The following NPAS3 variants were observed in gnomAD, a reference collection of about 807,000 sequenced individuals.
The protein encoded by NPAS3 is neuronal PAS domain protein 3.
Under a neutral mutation model 73.1 loss-of-function variants are expected in NPAS3, and 14 were observed. That is an observed-to-expected ratio of 0.19 (90% CI 0.13 to 0.30). The LOEUF is 0.30. Ranked by LOEUF, NPAS3 falls within the 10% of genes least tolerant of loss-of-function variation. The pLI, the probability that NPAS3 is intolerant of heterozygous loss-of-function variation, is 1.00. For synonymous variants in NPAS3, 620 were observed against 541.5 expected (o/e 1.14, Z -2.01); for missense variants, 1,096 against 1,250.0 (o/e 0.88, Z 1.86).
chr14:33,251,751 T>A (rs2048591913), intron 3 of NPAS3, among the ~76,000 whole-genome samples: 1 of 152,166 alleles, frequency 6.6e-6, no homozygotes, highest in Non-Finnish European at 1.5e-5. Context: ...ATGTCCTTGC[T>A]TCAATTTCAT....
chr14:33,512,366 C>T (rs781535054), intron 4 of NPAS3, among the ~76,000 whole-genome samples: 5 of 151,902 alleles, frequency 3.3e-5, no homozygotes, highest in South Asian at 2.1e-4. Context: ...ATTCAACACC[C>T]GAGAAAAGTT....
intron 2 of NPAS3, among the ~76,000 whole-genome samples, chr14:33,107,651 C>A (rs2042764465): frequency 6.6e-6 from 1 of 152,076 alleles, no homozygotes; most frequent in South Asian, 2.1e-4. Context: ...TTTATACAGT[C>A]CACCATTGAT....
In NPAS3 at chr14:33,756,269, C is replaced by T. The variant is rs148638377; in HGVS notation, c.853-18068C>T. Reference sequence around the variant, plus strand: ...GGTAAGAGGGCCCAGATGAGCCAAACCCACCTACTACATAGTGAATGCCCT... The same window carrying T: ...GGTAAGAGGGCCCAGATGAGCCAAATCCACCTACTACATAGTGAATGCCCT... On this transcript the variant is annotated intron_variant, in intron 7 of 11. Coordinates refer to ENST00000356141, the Ensembl canonical transcript of NPAS3. Among the ~76,000 whole-genome samples the T allele has an allele frequency of 6.8e-3, 1,039 of 152,276 alleles. 18 individuals carry two copies. Among genetic ancestry groups the T allele is most frequent in the African/African-American group, 0.024 (995 of 41,544 alleles).
intron 3 of NPAS3, among the ~76,000 whole-genome samples, chr14:33,287,056 G>A (rs558440297): frequency 6.6e-6 from 1 of 151,954 alleles, no homozygotes; most frequent in African/African-American, 2.4e-5. Context: ...GATAATAAAA[G>A]CCTGGAAATA....
chr14:33,077,774 G>GGTTT (rs1555333248), intron 2 of NPAS3, among the ~76,000 whole-genome samples: 10 of 87,470 alleles, frequency 1.1e-4, no homozygotes, highest in African/African-American at 2.7e-4. Context: ...TGCAGTAAGG[G>GGTTT]TTTTTTTTTT....
At chr14:33,719,129 A>G (rs2140532355) in intron 6 of NPAS3, among the ~76,000 whole-genome samples, 1 of 152,302 alleles carries the variant, frequency 6.6e-6, no homozygotes, top group Admixed American at 6.5e-5. Flanking sequence ...CTGTAGAGCT[A>G]TCCCCAGTTG....
chr14:33,591,464 G>A (rs574967410), intron 5 of NPAS3, among the ~76,000 whole-genome samples: 83 of 152,292 alleles, frequency 5.5e-4, no homozygotes, highest in Middle Eastern at 6.8e-3. Context: ...CTGGCAGTAC[G>A]TGGGCGGTAA....
At chr14:32,960,717 C>G (rs114228056) in intron 1 of NPAS3, among the ~76,000 whole-genome samples, 8 of 152,090 alleles carry the variant, frequency 5.3e-5, no homozygotes, top group Non-Finnish European at 1.2e-4. Context: ...GAATTTTATT[C>G]ATAGTGCATA....
At chr14:33,352,193 T>G (rs1403148164) in intron 3 of NPAS3, among the ~76,000 whole-genome samples, 1 of 152,212 alleles carries the variant, frequency 6.6e-6, no homozygotes, top group Non-Finnish European at 1.5e-5. Flanking sequence ...CTCATTTAAT[T>G]CTCAAACAGC....
chr14:33,292,355 C>G (rs1399272993), intron 3 of NPAS3, among the ~76,000 whole-genome samples: 2 of 152,162 alleles, frequency 1.3e-5, no homozygotes, highest in African/African-American at 4.8e-5. Context: ...GATCTGGGCT[C>G]TGTCCTCGAC....
intron 4 of NPAS3, among the ~76,000 whole-genome samples, chr14:33,510,725 G>A (rs376718073): frequency 2.0e-5 from 3 of 151,998 alleles, no homozygotes; most frequent in South Asian, 2.1e-4. Context: ...TTTATATAAC[G>A]TGTGCTTACT....
chr14:33,138,573 C>G (rs1404960399), intron 2 of NPAS3, among the ~76,000 whole-genome samples: 1 of 152,134 alleles, frequency 6.6e-6, no homozygotes, highest in South Asian at 2.1e-4. Context: ...TGTGCTTTCT[C>G]TCTGGTCCAG....
intron 1 of NPAS3, among the ~76,000 whole-genome samples, chr14:32,939,623 C>A (rs972527924): frequency 4.6e-3 from 503 of 110,148 alleles, no homozygotes; most frequent in East Asian, 0.012. Flanking sequence ...GACTCACTGA[C>A]AAAAAAAAAA....
At chr14:33,415,050 A>AT (rs1033231983) in intron 4 of NPAS3, among the ~76,000 whole-genome samples, 3 of 152,068 alleles carry the variant, frequency 2.0e-5, no homozygotes, top group Non-Finnish European at 1.5e-5. Flanking sequence ...CAAAATCTAT[A>AT]TTTTTCAACC....
intron 4 of NPAS3, among the ~76,000 whole-genome samples, chr14:33,439,865 C>T (rs2049160167): frequency 6.6e-6 from 1 of 152,120 alleles, no homozygotes; most frequent in Admixed American, 6.5e-5. Context: ...CCTGTAATCC[C>T]AGCACTTTGG....
intron 2 of NPAS3, among the ~76,000 whole-genome samples, chr14:33,150,558 G>A (rs2044409575): frequency 1.3e-5 from 2 of 152,088 alleles, no homozygotes; most frequent in Admixed American, 6.6e-5. Flanking sequence ...CAGTGTTCTG[G>A]TATTGCCTTT....
intron 4 of NPAS3, among the ~76,000 whole-genome samples, chr14:33,470,852 T>A (rs1320302967): frequency 6.6e-6 from 1 of 151,944 alleles, no homozygotes; most frequent in African/African-American, 2.4e-5. Context: ...ATATTCTATT[T>A]ACTGAGCATC....
chr14:33,098,286 A>G (rs895921710), intron 2 of NPAS3, among the ~76,000 whole-genome samples: 4 of 152,154 alleles, frequency 2.6e-5, no homozygotes, highest in African/African-American at 9.7e-5. Flanking sequence ...TGCCTCCAAT[A>G]CAAATTTTAA....
chr14:33,757,212 T>C (rs2062142419), intron 7 of NPAS3, among the ~76,000 whole-genome samples: 1 of 152,206 alleles, frequency 6.6e-6, no homozygotes, highest in Non-Finnish European at 1.5e-5. Flanking sequence ...GTCTGAATTT[T>C]ATTCCAGAAT....
Sources: gnomAD v4.1 joint callset for allele counts (sites outside exome capture counted in the v4.1 genomes callset) on GRCh38, gnomAD v4.1.1 for gene constraint, MANE v1.5 for transcripts, NCBI Gene and HGNC (gene_info 2026-07-23, HGNC 2026-07-21) for gene names.